PTPRD: variants seen among roughly 807,000 people sequenced by gnomAD.
PTPRD encodes protein tyrosine phosphatase receptor type D.
Under a neutral mutation model 214.5 loss-of-function variants are expected in PTPRD, and 34 were observed. That is an observed-to-expected ratio of 0.16 (90% confidence interval 0.12 to 0.21). PTPRD has a LOEUF of 0.21. Among genes scored for constraint, PTPRD ranks in the 10% least tolerant of loss-of-function variants. The probability of loss-of-function intolerance (pLI) is 1.00; values close to 1 mark genes in which losing one functional copy is unlikely to be tolerated. For missense variants in PTPRD, 2,545 were observed against 2,398.7 expected, an observed-to-expected ratio of 1.06 and a Z score of -1.27; for synonymous variants, 1,128 against 845.7, an observed-to-expected ratio of 1.33 and a Z score of -5.79.
intron 3 of PTPRD, among the ~76,000 whole-genome samples, chr9:10,117,568 C>T (rs2098740511): frequency 6.6e-6 from 1 of 150,950 alleles, no homozygotes; most frequent in South Asian, 2.1e-4. Flanking sequence ...CAATCTACCT[C>T]CTTCTTCACT....
chr9:9,597,606 G>C (rs2093448493), intron 7 of PTPRD, among the ~76,000 whole-genome samples: 1 of 151,930 alleles, frequency 6.6e-6, no homozygotes, highest in South Asian at 2.1e-4. Context: ...ACAAAGCTGG[G>C]GGAAGTCAAC....
chr9:9,897,162 C>CACACACT (rs1555295659), intron 5 of PTPRD, among the ~76,000 whole-genome samples: 2 of 123,084 alleles, frequency 1.6e-5, no homozygotes, highest in Non-Finnish European at 3.4e-5. Context: ...ACACACACAC[C>CACACACT]GCTGCTAAAC....
intron 7 of PTPRD, among the ~76,000 whole-genome samples, chr9:9,601,465 C>T (rs567095421): frequency 3.3e-5 from 5 of 152,072 alleles, no homozygotes; most frequent in African/African-American, 1.2e-4. Flanking sequence ...ATAAACAATA[C>T]ATGATTAGAG....
chr9:10,055,881 A>AT lies in PTPRD; in HGVS notation c.-544-22092_-544-22091insA, dbSNP rs1491296512. ...ACATTATGTGTGTGTATATATATAT[A>AT]AATGTATAATGTATAAATGAGTGTG... On this transcript the variant is annotated intron_variant, in intron 3 of 45. Transcript: ENST00000381196. Among the ~76,000 whole-genome samples the AT allele has an allele frequency of 3.2e-3, 485 of 150,796 alleles. 2 individuals are homozygous for AT. Among genetic ancestry groups the AT allele is most frequent in the South Asian group, 8.3e-3 (40 of 4,792 alleles).
At chr9:9,297,663 C>T (rs183152136) in intron 9 of PTPRD, among the ~76,000 whole-genome samples, 28 of 151,584 alleles carry the variant, frequency 1.8e-4, no homozygotes, top group Admixed American at 4.0e-4. Context: ...TAGAATTCTT[C>T]GTTATCATAA....
intron 8 of PTPRD, among the ~76,000 whole-genome samples, chr9:9,426,102 G>A (rs904588789): frequency 5.3e-5 from 8 of 152,076 alleles, no homozygotes; most frequent in African/African-American, 1.9e-4. Flanking sequence ...GCTGAAGCAG[G>A]GTGAGGCATC....
chr9:9,461,577 C>T (rs10759074), intron 8 of PTPRD, among the ~76,000 whole-genome samples: 81,645 of 151,796 alleles, frequency 0.54, 22,099 homozygotes, highest in East Asian at 0.68. Flanking sequence ...GGTATTTGAA[C>T]CATCTGAAAA....
intron 14 of PTPRD, among the ~76,000 whole-genome samples, chr9:8,625,287 GC>G (rs895646191): frequency 2.6e-5 from 4 of 151,626 alleles, no homozygotes; most frequent in Admixed American, 6.6e-5. Context: ...TTAATAACTA[GC>G]TTTATTAAAA....
intron 2 of PTPRD, among the ~76,000 whole-genome samples, chr9:10,525,661 C>G (rs1324101853): frequency 6.6e-6 from 1 of 151,840 alleles, no homozygotes; most frequent in Non-Finnish European, 1.5e-5. Context: ...ATATTCTCCA[C>G]ACATATCCAG....
intron 4 of PTPRD, among the ~76,000 whole-genome samples, chr9:9,963,054 G>T (rs2094466039): frequency 6.6e-6 from 1 of 151,824 alleles, no homozygotes; most frequent in Admixed American, 6.6e-5. Flanking sequence ...ACAAGCCTAG[G>T]GATGTATAAG....
intron 2 of PTPRD, among the ~76,000 whole-genome samples, chr9:10,572,349 G>A (rs977116705): frequency 3.3e-5 from 5 of 152,102 alleles, no homozygotes; most frequent in Non-Finnish European, 7.4e-5. Context: ...GTCATTCCTG[G>A]AGGAAACAAC....
chr9:9,861,808 G>A (rs2062835173), intron 5 of PTPRD, among the ~76,000 whole-genome samples: 1 of 152,090 alleles, frequency 6.6e-6, no homozygotes, highest in African/African-American at 2.4e-5. Flanking sequence ...AAACAAGTCA[G>A]AATTTTCACA....
At chr9:8,332,177 A>AAACACCT in intron 43 of PTPRD, among the ~76,000 whole-genome samples, 1 of 152,172 alleles carries the variant, frequency 6.6e-6, no homozygotes. Context: ...ATATTGAAAC[A>AAACACCT]AGCACCTAGG....
intron 11 of PTPRD, among the ~76,000 whole-genome samples, chr9:8,781,922 C>G (rs573910375): frequency 5.5e-4 from 84 of 152,108 alleles, no homozygotes; most frequent in African/African-American, 2.0e-3. Flanking sequence ...ATAAGACATT[C>G]TAGTAAATCA....
chr9:10,098,009 T>C (rs981248801), intron 3 of PTPRD, among the ~76,000 whole-genome samples: 1 of 151,736 alleles, frequency 6.6e-6, no homozygotes, highest in African/African-American at 2.4e-5. Flanking sequence ...ACCCAAAGGA[T>C]TATAAATCAT....
intron 12 of PTPRD, among the ~76,000 whole-genome samples, chr9:8,681,799 T>C (rs1264131871): frequency 6.6e-6 from 1 of 152,224 alleles, no homozygotes; most frequent in Non-Finnish European, 1.5e-5. Flanking sequence ...AGCAAACTAC[T>C]TAATATAAAA....
At chr9:9,343,718 G>A (rs1016309872) in intron 9 of PTPRD, among the ~76,000 whole-genome samples, 1 of 151,674 alleles carries the variant, frequency 6.6e-6, no homozygotes, top group Non-Finnish European at 1.5e-5. Context: ...AAACAGGAGG[G>A]AACCCTTTTT....
At chr9:8,437,539 T>C (rs2095403001) in intron 34 of PTPRD, among the ~76,000 whole-genome samples, 2 of 152,148 alleles carry the variant, frequency 1.3e-5, no homozygotes, top group Admixed American at 6.5e-5. Flanking sequence ...GCTTCAAAAA[T>C]GTTTCCACTA....
intron 5 of PTPRD, among the ~76,000 whole-genome samples, chr9:9,916,573 C>T (rs964992936): frequency 4.6e-5 from 7 of 151,692 alleles, no homozygotes; most frequent in African/African-American, 1.5e-4. Flanking sequence ...ATGTTGCCTA[C>T]AAGAACCTCA....
Sources: allele counts gnomAD v4.1 joint callset (sites outside exome capture counted in the v4.1 genomes callset), GRCh38; gene constraint gnomAD v4.1.1; transcripts MANE v1.5; gene names NCBI Gene and HGNC (gene_info 2026-07-23, HGNC 2026-07-21).